Variants in ZNF385D observed in about 807,000 individuals in gnomAD.
ZNF385D encodes the protein zinc finger protein 659.
A neutral mutation model predicts 35.8 loss-of-function variants in ZNF385D; 15 were observed. The ratio of observed to expected loss-of-function variants is 0.42; its 90% CI spans 0.28 to 0.64. The LOEUF (loss-of-function observed/expected upper bound fraction) is 0.64. Ranked by LOEUF, ZNF385D falls within the 30% of genes least tolerant of loss-of-function variation. The probability of loss-of-function intolerance (pLI) is 0.23; values close to 1 mark genes in which losing one functional copy is unlikely to be tolerated. For synonymous variants in ZNF385D, 212 were observed against 186.8 expected (o/e 1.13, Z -1.10); for missense variants, 474 against 494.6 (o/e 0.96, Z 0.39).
At chr3:21,847,011 C>A (rs1471817363) in intron 3 of ZNF385D, among the ~76,000 whole-genome samples, 1 of 152,038 alleles carries the variant, frequency 6.6e-6, no homozygotes, top group South Asian at 2.1e-4. Context: ...CAGGCCTTCT[C>A]AAGCCCCAAC....
At chr3:21,514,016 A>T (rs538798880) in intron 3 of ZNF385D, among the ~76,000 whole-genome samples, 2 of 151,608 alleles carry the variant, frequency 1.3e-5, no homozygotes, top group Non-Finnish European at 2.9e-5. Context: ...CTGTGACTGT[A>T]AAAAAAAGCT....
intron 3 of ZNF385D, among the ~76,000 whole-genome samples, chr3:22,039,938 T>A (rs925585147): frequency 6.6e-6 from 1 of 152,158 alleles, no homozygotes; most frequent in Non-Finnish European, 1.5e-5. Context: ...GAATTGGATG[T>A]AGCCATTACG....
rs1357907410 is a variant in ZNF385D, at chr3:22,348,500, A to AG, written c.106+23949_106+23950insC. Among the ~76,000 whole-genome samples, 51 of 150,722 alleles carry AG rather than the reference A, an allele frequency of 3.4e-4. 1 individual carries two copies. Among genetic ancestry groups the AG allele is most frequent in the African/African-American group, 1.2e-3 (50 of 40,836 alleles). ...CCATCTCTACTAAAAAAAAAAAAAA[A>AG]AAAAAAATACAAAATTAGCCAAGTG... On this transcript the variant is annotated intron_variant, in intron 2 of 5. Coordinates refer to the ZNF385D transcript ENST00000494108.
At chr3:22,137,702 C>T (rs11129045) in intron 3 of ZNF385D, among the ~76,000 whole-genome samples, 13,803 of 152,172 alleles carry the variant, frequency 0.091, 782 homozygotes, top group Middle Eastern at 0.16. Context: ...GACAAACCCA[C>T]GGCCAATATC....
intron 2 of ZNF385D, among the ~76,000 whole-genome samples, chr3:21,609,961 G>A (rs1038581226): frequency 4.6e-5 from 7 of 151,986 alleles, no homozygotes; most frequent in African/African-American, 9.7e-5. Context: ...TTCCAGTTGC[G>A]CAGGCAAATA....
At chr3:21,843,759 TGAAA>T (rs1416686436) in intron 3 of ZNF385D, among the ~76,000 whole-genome samples, 1 of 151,974 alleles carries the variant, frequency 6.6e-6, no homozygotes, top group Admixed American at 6.6e-5. Context: ...GAATTCTTAA[TGAAA>T]GAGTTATTTC....
chr3:21,549,917 G>C (rs1296947578), intron 3 of ZNF385D, among the ~76,000 whole-genome samples: 1 of 152,108 alleles, frequency 6.6e-6, no homozygotes, highest in African/African-American at 2.4e-5. Flanking sequence ...GCTTTTAATA[G>C]ACACAGTTTT....
chr3:21,663,699 C>T (rs564518397), intron 2 of ZNF385D, among the ~76,000 whole-genome samples: 20 of 151,358 alleles, frequency 1.3e-4, no homozygotes, highest in Admixed American at 5.3e-4. Context: ...AATTTCAAAA[C>T]GAGATTCGTA....
intron 3 of ZNF385D, among the ~76,000 whole-genome samples, chr3:21,928,351 G>A (rs555164379): frequency 1.7e-4 from 25 of 149,878 alleles, no homozygotes; most frequent in Admixed American, 1.0e-3. Context: ...AGGGAGGGAC[G>A]AAGGAAGGAA....
At chr3:22,308,413 A>G (rs954752775) in intron 2 of ZNF385D, among the ~76,000 whole-genome samples, 2 of 151,976 alleles carry the variant, frequency 1.3e-5, no homozygotes, top group Admixed American at 6.6e-5. Flanking sequence ...CAAAAACATT[A>G]TAAGAACAAT....
intron 1 of ZNF385D, among the ~76,000 whole-genome samples, chr3:21,737,997 G>T (rs571557991): frequency 2.8e-4 from 42 of 152,328 alleles, no homozygotes; most frequent in Non-Finnish European, 4.7e-4. Flanking sequence ...GAATTACAGG[G>T]GTTGGTGCTG....
intron 2 of ZNF385D, among the ~76,000 whole-genome samples, chr3:22,234,220 A>C (rs1336422944): frequency 1.3e-5 from 2 of 152,038 alleles, no homozygotes; most frequent in African/African-American, 4.8e-5. Flanking sequence ...TTATCAGAAA[A>C]GCTCCTTTTC....
chr3:21,744,097 T>C (rs188176747), intron 1 of ZNF385D, among the ~76,000 whole-genome samples: 8 of 152,190 alleles, frequency 5.3e-5, no homozygotes, highest in African/African-American at 1.7e-4. Context: ...TGACATAGAG[T>C]CTACACCTTA....
chr3:22,330,623 T>C (rs1694889173), intron 2 of ZNF385D, among the ~76,000 whole-genome samples: 1 of 152,176 alleles, frequency 6.6e-6, no homozygotes, highest in Non-Finnish European at 1.5e-5. Context: ...CTTTAGGAGG[T>C]TCTCTTCCCA....
intron 1 of ZNF385D, among the ~76,000 whole-genome samples, chr3:21,700,365 A>G (rs1327499438): frequency 6.6e-6 from 1 of 152,192 alleles, no homozygotes; most frequent in East Asian, 1.9e-4. Context: ...AGCAACTTAA[A>G]AGGCATCTGA....
chr3:21,837,813 A>C (rs1575750140), intron 3 of ZNF385D, among the ~76,000 whole-genome samples: 1 of 151,620 alleles, frequency 6.6e-6, no homozygotes, highest in East Asian at 2.0e-4. Flanking sequence ...TGGAGGTTGC[A>C]GTGAGCCAAG....
chr3:21,551,938 G>A (rs2062580758), intron 3 of ZNF385D, among the ~76,000 whole-genome samples: 1 of 152,080 alleles, frequency 6.6e-6, no homozygotes, highest in Non-Finnish European at 1.5e-5. Flanking sequence ...AGTTTAGAGG[G>A]AAAGGAAATT....
chr3:22,266,154 T>C (rs1700884331), intron 2 of ZNF385D, among the ~76,000 whole-genome samples: 1 of 151,960 alleles, frequency 6.6e-6, no homozygotes, highest in South Asian at 2.1e-4. Context: ...ATTTAAAGAA[T>C]TACTCTTTCC....
intron 3 of ZNF385D, among the ~76,000 whole-genome samples, chr3:21,796,944 C>A (rs1288840454): frequency 1.3e-5 from 2 of 152,166 alleles, no homozygotes; most frequent in Non-Finnish European, 2.9e-5. Context: ...CCTGCCCATA[C>A]TTAGCTCAGC....
Sources: allele counts gnomAD v4.1 joint callset (sites outside exome capture counted in the v4.1 genomes callset), GRCh38; gene constraint gnomAD v4.1.1; transcripts MANE v1.5; gene names NCBI Gene and HGNC (gene_info 2026-07-23, HGNC 2026-07-21).